The following CLSTN2 variants were observed in gnomAD, a reference collection of about 807,000 sequenced individuals.
The protein encoded by CLSTN2 is calsyntenin 2.
In CLSTN2, 48 loss-of-function variants were observed where a neutral mutation model predicts 101.2. The ratio of observed to expected loss-of-function variants is 0.47; its 90% CI spans 0.38 to 0.60. The LOEUF is 0.60. CLSTN2 is among the 20% of genes least tolerant of loss of function. CLSTN2 has a pLI of 0.00. For synonymous variants in CLSTN2, 481 were observed against 463.6 expected, an observed-to-expected ratio of 1.04 and a Z score of -0.48; for missense variants, 1,160 against 1,238.2, an observed-to-expected ratio of 0.94 and a Z score of 0.95.
At chr3:140,194,591 A>T (rs1242612817) in intron 2 of CLSTN2, among the ~76,000 whole-genome samples, 1 of 152,076 alleles carries the variant, frequency 6.6e-6, no homozygotes, top group Non-Finnish European at 1.5e-5. Context: ...AAATCTGGGC[A>T]ATTTTGTGTT....
At chr3:140,066,616 T>C (rs2008303871) in intron 1 of CLSTN2, among the ~76,000 whole-genome samples, 2 of 152,234 alleles carry the variant, frequency 1.3e-5, no homozygotes, top group Non-Finnish European at 1.5e-5. Context: ...GGCTGCTGCA[T>C]GTCAAGACAA....
At chr3:140,207,602 G>C (rs1576467393) in intron 2 of CLSTN2, among the ~76,000 whole-genome samples, 1 of 152,140 alleles carries the variant, frequency 6.6e-6, no homozygotes, top group Non-Finnish European at 1.5e-5. Context: ...GTTCATGGTG[G>C]TTTTTAAAAT....
chr3:140,228,311 C>G (rs902050713), intron 2 of CLSTN2, among the ~76,000 whole-genome samples: 1 of 152,196 alleles, frequency 6.6e-6, no homozygotes, highest in African/African-American at 2.4e-5. Flanking sequence ...ACACCAGTCT[C>G]TTTGCTAAAA....
At chr3:140,084,102 A>T (rs1172406411) in intron 1 of CLSTN2, among the ~76,000 whole-genome samples, 1 of 152,166 alleles carries the variant, frequency 6.6e-6, no homozygotes, top group African/African-American at 2.4e-5. Flanking sequence ...ATATAACCCT[A>T]GAGGAGTGGG....
At chr3:140,561,085 A>C (rs1935904119) in intron 12 of CLSTN2, among the ~76,000 whole-genome samples, 1 of 151,942 alleles carries the variant, frequency 6.6e-6, no homozygotes, top group Admixed American at 6.5e-5. Context: ...TCTTTAGTGA[A>C]TTTTTTAAAT....
chr3:140,114,439 A>C (rs1410154282), intron 1 of CLSTN2, among the ~76,000 whole-genome samples: 1 of 151,714 alleles, frequency 6.6e-6, no homozygotes, highest in African/African-American at 2.4e-5. Flanking sequence ...TGTCTCCCTC[A>C]CTGGCCTGTA....
chr3:139,970,013 C>T (rs1405834580), intron 1 of CLSTN2, among the ~76,000 whole-genome samples: 1 of 152,176 alleles, frequency 6.6e-6, no homozygotes, highest in East Asian at 1.9e-4. Flanking sequence ...CCCTGTTCCC[C>T]TACTTACCAG....
chr3:140,083,593 A>G (rs1368288441), intron 1 of CLSTN2, among the ~76,000 whole-genome samples: 1 of 152,184 alleles, frequency 6.6e-6, no homozygotes, highest in African/African-American at 2.4e-5. Flanking sequence ...CCCCACCAAT[A>G]TTCTATTACC....
At chr3:140,282,802 T>A (rs2086860980) in intron 2 of CLSTN2, among the ~76,000 whole-genome samples, 1 of 152,212 alleles carries the variant, frequency 6.6e-6, no homozygotes, top group Non-Finnish European at 1.5e-5. Context: ...CAGATTTCTC[T>A]CACTGTGCTG....
chr3:140,521,434 T>C (rs1935024612), intron 8 of CLSTN2, among the ~76,000 whole-genome samples: 1 of 152,158 alleles, frequency 6.6e-6, no homozygotes, highest in Non-Finnish European at 1.5e-5. Context: ...GTTTTTCCTG[T>C]ACCTGGATGT....
intron 9 of CLSTN2, among the ~76,000 whole-genome samples, chr3:140,545,247 C>T (rs566036724): frequency 6.6e-6 from 1 of 152,296 alleles, no homozygotes; most frequent in South Asian, 2.1e-4. Context: ...TGTTGGAAGT[C>T]TGGCCTCTAG....
chr3:140,131,859 A>G (rs1265200427), intron 1 of CLSTN2, among the ~76,000 whole-genome samples: 2 of 152,080 alleles, frequency 1.3e-5, no homozygotes, highest in African/African-American at 4.8e-5. Context: ...TAGCACCGAG[A>G]GCGGGCTAAA....
intron 2 of CLSTN2, among the ~76,000 whole-genome samples, chr3:140,317,474 G>C (rs376199574): frequency 9.9e-5 from 15 of 152,244 alleles, no homozygotes; most frequent in African/African-American, 3.4e-4. Flanking sequence ...CTGGAGGAGT[G>C]TGCCTTCTGT....
rs564268786 is a variant in CLSTN2 at position 140,269,802 on chromosome 3, A to G, written c.232+93729A>G. Among the ~76,000 whole-genome samples the G allele has an allele frequency of 4.6e-5, 7 of 152,296 alleles. No homozygotes were observed. The South Asian group carries it at 1.0e-3, about 23-fold the overall frequency. On this transcript the variant is annotated intron_variant, in intron 2 of 16. Coordinates refer to ENST00000458420, the MANE Select transcript of CLSTN2 (RefSeq NM_022131.3). Reference sequence around the variant, plus strand: ...GGAGTATTGAGAGAGGGATTACTCCAAGGTTCAAATCCCAGCTCCATTATT... The same window carrying G: ...GGAGTATTGAGAGAGGGATTACTCCGAGGTTCAAATCCCAGCTCCATTATT...
At chr3:140,317,396 A>G (rs555902250) in intron 2 of CLSTN2, among the ~76,000 whole-genome samples, 4 of 152,278 alleles carry the variant, frequency 2.6e-5, no homozygotes, top group Non-Finnish European at 4.4e-5. Flanking sequence ...TTCAGCAGCC[A>G]TAGACCTGCT....
intron 1 of CLSTN2, among the ~76,000 whole-genome samples, chr3:140,054,604 C>G (rs1296459927): frequency 6.6e-6 from 1 of 152,160 alleles, no homozygotes; most frequent in Non-Finnish European, 1.5e-5. Context: ...CTGCCAGGGA[C>G]CCTTACCTGC....
intron 2 of CLSTN2, among the ~76,000 whole-genome samples, chr3:140,190,893 C>T (rs942742811): frequency 1.3e-5 from 2 of 151,864 alleles, no homozygotes; most frequent in Non-Finnish European, 2.9e-5. Flanking sequence ...CCTTTCTGAT[C>T]CTTTGGGTTT....
At chr3:140,404,946 C>T (rs563583638) in intron 4 of CLSTN2, among the ~76,000 whole-genome samples, 180 bp downstream of exon 4, 1 of 152,284 alleles carries the variant, frequency 6.6e-6, no homozygotes, top group South Asian at 2.1e-4. Context: ...ATCTGATTAG[C>T]AGCCCTGCCA....
intron 2 of CLSTN2, 107 bp downstream of exon 2, chr3:140,176,180 G>C: frequency 8.1e-7 from 1 of 1,231,010 alleles, no homozygotes; most frequent in South Asian, 1.5e-5. Context: ...ACCACCCTGT[G>C]CATCTCTAGA....
Sources: allele counts gnomAD v4.1 joint callset (sites outside exome capture counted in the v4.1 genomes callset), GRCh38; gene constraint gnomAD v4.1.1; transcripts MANE v1.5; gene names NCBI Gene and HGNC (gene_info 2026-07-23, HGNC 2026-07-21).